Variants in TAFA2 observed in about 807,000 individuals in gnomAD.
The protein encoded by TAFA2 is TAFA chemokine like family member 2.
TAFA2 carries 7 observed loss-of-function variants against 18.8 expected under a neutral mutation model. The observed-to-expected ratio is 0.37, with a 90% confidence interval of 0.21 to 0.70. The LOEUF is 0.70. Ranked by LOEUF, TAFA2 falls within the 30% of genes least tolerant of loss-of-function variation. TAFA2 has a pLI of 0.53. For missense variants in TAFA2, 122 were observed against 158.1 expected, an observed-to-expected ratio of 0.77 and a Z score of 1.23; for synonymous variants, 60 against 54.2, an observed-to-expected ratio of 1.11 and a Z score of -0.47.
chr12:61,918,803 C>G (rs1876930927), intron 1 of TAFA2, among the ~76,000 whole-genome samples: 1 of 152,210 alleles, frequency 6.6e-6, no homozygotes. Flanking sequence ...TTCAGTGCCT[C>G]TGGTGCAGGG....
intron 1 of TAFA2, among the ~76,000 whole-genome samples, chr12:62,215,985 T>C (rs891452171): frequency 6.6e-6 from 1 of 152,028 alleles, no homozygotes; most frequent in Non-Finnish European, 1.5e-5. Context: ...CCATGGCAAG[T>C]GAATAAAGTA....
At chr12:61,828,097 A>G (rs1433119947) in intron 2 of TAFA2, among the ~76,000 whole-genome samples, 1 of 151,982 alleles carries the variant, frequency 6.6e-6, no homozygotes, top group African/African-American at 2.4e-5. Context: ...AGAAAGTTCA[A>G]TGATCTCATT....
intron 2 of TAFA2, among the ~76,000 whole-genome samples, chr12:61,770,655 A>T (rs1442926024): frequency 6.6e-6 from 1 of 152,148 alleles, no homozygotes; most frequent in Non-Finnish European, 1.5e-5. Context: ...ATAAATGAAG[A>T]AAACATATAG....
intron 1 of TAFA2, among the ~76,000 whole-genome samples, chr12:62,173,358 G>A (rs1565769824): frequency 6.6e-6 from 1 of 152,114 alleles, no homozygotes; most frequent in Non-Finnish European, 1.5e-5. Context: ...GTTGTGGTGA[G>A]CCAAGATCAC....
intron 2 of TAFA2, among the ~76,000 whole-genome samples, chr12:61,822,960 A>T (rs1448561764): frequency 2.0e-5 from 3 of 152,114 alleles, no homozygotes. Flanking sequence ...TTCATGATTG[A>T]TTATTTTGAC....
At chr12:61,753,816 G>A (rs766568511) in intron 3 of TAFA2, 70 bp from the exon 4 acceptor site, 320 of 1,428,134 alleles carry the variant, frequency 2.2e-4, no homozygotes, top group Non-Finnish European at 2.8e-4. Flanking sequence ...CACCTTTAAA[G>A]AGGAACAAAA....
At chr12:61,880,607 G>A (rs1200486190) in intron 1 of TAFA2, 1 of 423,882 alleles carries the variant, frequency 2.4e-6, no homozygotes, top group Non-Finnish European at 4.7e-6. Context: ...GGCCTATGGG[G>A]GCCTCACAAG....
rs562977572 is a variant in TAFA2 at position 62,029,096 on chromosome 12, A to T, written c.-1-161670T>A. On this transcript the variant is annotated intron_variant, in intron 1 of 4. Coordinates refer to ENST00000416284, the MANE Select transcript of TAFA2 (RefSeq NM_178539.5). The stretch of plus-strand genomic sequence containing the variant: ...AACGGAAAATGTCCTCACCATATTT[A>T]ATTTTTTAATTAAAAATTAGGTGAC... 3.9e-5 allele frequency among the ~76,000 whole-genome samples: 6 copies of T among 152,272 alleles called. No individual in the cohort carries two copies. In the South Asian group the frequency reaches 6.2e-4, roughly 16 times the overall value.
At chr12:61,715,024 C>T (rs1282810912) in intron 4 of TAFA2, among the ~76,000 whole-genome samples, 1 of 152,162 alleles carries the variant, frequency 6.6e-6, no homozygotes, top group Non-Finnish European at 1.5e-5. Context: ...GTGTAATACG[C>T]TATTGTGATT....
At chr12:61,884,548 T>C (rs947377412) in intron 1 of TAFA2, among the ~76,000 whole-genome samples, 1 of 152,186 alleles carries the variant, frequency 6.6e-6, no homozygotes, top group African/African-American at 2.4e-5. Context: ...ATTGCATTTC[T>C]CAGAATTTAT....
intron 1 of TAFA2, among the ~76,000 whole-genome samples, chr12:62,185,018 T>A (rs1001091756): frequency 2.0e-5 from 3 of 152,092 alleles, no homozygotes; most frequent in Non-Finnish European, 4.4e-5. Flanking sequence ...AGCTAATGAA[T>A]TTTAACCACT....
chr12:62,171,110 A>T (rs1180363832), intron 1 of TAFA2, among the ~76,000 whole-genome samples: 1 of 152,126 alleles, frequency 6.6e-6, no homozygotes, highest in Non-Finnish European at 1.5e-5. Context: ...AAGGTGTCAC[A>T]ATTATACCCT....
intron 1 of TAFA2, among the ~76,000 whole-genome samples, chr12:61,940,378 C>T (rs866451371): frequency 1.4e-4 from 22 of 152,266 alleles, no homozygotes; most frequent in African/African-American, 2.2e-4. Flanking sequence ...GATTAGGAAA[C>T]GTGTGTTGGC....
chr12:62,035,116 C>A (rs1041042881), intron 1 of TAFA2, among the ~76,000 whole-genome samples: 2 of 152,124 alleles, frequency 1.3e-5, no homozygotes, highest in Non-Finnish European at 2.9e-5. Context: ...AGGGAGGTCA[C>A]CCCTCTATGT....
chr12:61,766,714 A>T (rs1869808243), intron 2 of TAFA2, among the ~76,000 whole-genome samples: 1 of 152,186 alleles, frequency 6.6e-6, no homozygotes, highest in African/African-American at 2.4e-5. Context: ...ATTGAAGAAC[A>T]AATGAATAAA....
chr12:62,060,681 G>A (rs558129853), intron 1 of TAFA2, among the ~76,000 whole-genome samples: 49 of 152,264 alleles, frequency 3.2e-4, no homozygotes, highest in African/African-American at 1.1e-3. Flanking sequence ...AGCTTCATGC[G>A]GGTTACTGCC....
At chr12:61,812,004 T>C (rs1750931076) in intron 2 of TAFA2, among the ~76,000 whole-genome samples, 1 of 151,262 alleles carries the variant, frequency 6.6e-6, no homozygotes, top group Non-Finnish European at 1.5e-5. Context: ...CTTTCCCCTA[T>C]GTGGTATATT....
intron 2 of TAFA2, among the ~76,000 whole-genome samples, chr12:61,829,424 C>A (rs1440751492): frequency 6.6e-6 from 1 of 151,634 alleles, no homozygotes; most frequent in Non-Finnish European, 1.5e-5. Context: ...TCACTTGCAT[C>A]AATTGTTAAT....
intron 1 of TAFA2, among the ~76,000 whole-genome samples, chr12:62,170,031 A>T (rs1352452467): frequency 6.6e-6 from 1 of 152,246 alleles, no homozygotes; most frequent in African/African-American, 2.4e-5. Context: ...ATTCTAAGAT[A>T]ATTTATATAT....
Sources: gnomAD v4.1 joint callset for allele counts (sites outside exome capture counted in the v4.1 genomes callset) on GRCh38, gnomAD v4.1.1 for gene constraint, MANE v1.5 for transcripts, NCBI Gene and HGNC (gene_info 2026-07-23, HGNC 2026-07-21) for gene names.